Variants in SPAG16 observed in about 807,000 individuals in gnomAD.
SPAG16 encodes the protein sperm associated antigen 16, also known as sperm-associated antigen 16 protein.
SPAG16 carries 86 observed loss-of-function variants against 80.4 expected under a neutral mutation model. The ratio of observed to expected loss-of-function variants is 1.07; its 90% CI spans 0.90 to 1.28. The LOEUF is 1.28. Ranked by LOEUF, SPAG16 falls within the 50% of genes most tolerant of loss-of-function variation. The pLI, the probability that SPAG16 is intolerant of heterozygous loss-of-function variation, is 0.00. For synonymous variants in SPAG16, 294 were observed against 265.9 expected, an observed-to-expected ratio of 1.11 and a Z score of -1.03; for missense variants, 870 against 765.3, an observed-to-expected ratio of 1.14 and a Z score of -1.61.
intron 14 of SPAG16, among the ~76,000 whole-genome samples, chr2:214,125,537 G>A (rs925292076): frequency 6.6e-6 from 1 of 151,512 alleles, no homozygotes; most frequent in Non-Finnish European, 1.5e-5. Flanking sequence ...GAATTTCTAA[G>A]AAAAAATAAG....
intron 14 of SPAG16, among the ~76,000 whole-genome samples, chr2:214,118,662 GC>G (rs1412171485): frequency 6.6e-6 from 1 of 151,926 alleles, no homozygotes; most frequent in Admixed American, 6.6e-5. Flanking sequence ...GAGGGTAACC[GC>G]CCCCATGATT....
At chr2:214,311,561 C>T (rs1369335891) in intron 15 of SPAG16, 3 of 125,928 alleles carry the variant, frequency 2.4e-5, no homozygotes, top group Admixed American at 8.2e-5. Flanking sequence ...CCTATTGTAA[C>T]CTTTTGTCAG....
At chr2:213,845,355 G>A (rs981615629) in intron 10 of SPAG16, among the ~76,000 whole-genome samples, 7 of 151,682 alleles carry the variant, frequency 4.6e-5, no homozygotes, top group African/African-American at 7.3e-5. Flanking sequence ...CCGCTACCAC[G>A]CCCAGCTAAT....
At chr2:213,947,286 T>A (rs971763069) in intron 12 of SPAG16, among the ~76,000 whole-genome samples, 1 of 152,192 alleles carries the variant, frequency 6.6e-6, no homozygotes, top group African/African-American at 2.4e-5. Context: ...GTTTTTCTAG[T>A]CTGTGGTATT....
chr2:214,102,877 CGGGCTCATGAAGGATCAAGG>C (rs2053149995), intron 13 of SPAG16, among the ~76,000 whole-genome samples: 1 of 152,026 alleles, frequency 6.6e-6, no homozygotes, highest in African/African-American at 2.4e-5. Flanking sequence ...GAGACCTAAG[CGGGCTCATGAAGGATCAAGG>C]GAGAAAAGGG....
chr2:213,427,005 A>C (rs188353981), intron 9 of SPAG16, among the ~76,000 whole-genome samples: 1 of 152,094 alleles, frequency 6.6e-6, no homozygotes, highest in Admixed American at 6.5e-5. Flanking sequence ...TCCTTTTAAG[A>C]TTATAGGTTT....
At chr2:213,718,732 G>A (rs2066368659) in intron 10 of SPAG16, among the ~76,000 whole-genome samples, 1 of 152,182 alleles carries the variant, frequency 6.6e-6, no homozygotes, top group African/African-American at 2.4e-5. Flanking sequence ...TTCCCGCGGG[G>A]CAGGGCTCGG....
chr2:213,440,447 C>G (rs985283066), intron 9 of SPAG16, among the ~76,000 whole-genome samples: 11 of 152,012 alleles, frequency 7.2e-5, no homozygotes, highest in Admixed American at 6.6e-5. Flanking sequence ...CCCAGCTACT[C>G]TGGAGGCTGA....
At chr2:214,250,931 A>G (rs1418317868) in intron 15 of SPAG16, among the ~76,000 whole-genome samples, 2 of 151,398 alleles carry the variant, frequency 1.3e-5, no homozygotes, top group Non-Finnish European at 3.0e-5. Flanking sequence ...TCAGAAAAAT[A>G]TGCTACATCA....
chr2:213,832,219 A>T (rs1335502284), intron 10 of SPAG16, among the ~76,000 whole-genome samples: 2 of 151,568 alleles, frequency 1.3e-5, no homozygotes, highest in Admixed American at 1.3e-4. Flanking sequence ...GCTGATCTTG[A>T]ACTCCTGACC....
intron 15 of SPAG16, among the ~76,000 whole-genome samples, chr2:214,299,243 CTTTTT>C (rs33961996): frequency 3.5e-5 from 2 of 57,682 alleles, no homozygotes; most frequent in Admixed American, 2.4e-4. Context: ...GTGTAGTATA[CTTTTT>C]TTTTTTTTTT....
intron 15 of SPAG16, among the ~76,000 whole-genome samples, chr2:214,202,080 T>C (rs1912166): frequency 0.81 from 123,472 of 152,018 alleles, 50,531 homozygotes; most frequent in East Asian, 0.88. Flanking sequence ...CTTCTGGGCT[T>C]GAGTAATCTC....
chr2:213,537,381 T>C (rs2076288532), intron 10 of SPAG16, among the ~76,000 whole-genome samples: 2 of 152,100 alleles, frequency 1.3e-5, no homozygotes, highest in African/African-American at 2.4e-5. Flanking sequence ...ACTTTAAATA[T>C]AGTAATATGT....
At chr2:213,446,516 T>TA (rs1424334167) in intron 9 of SPAG16, among the ~76,000 whole-genome samples, 2 of 152,120 alleles carry the variant, frequency 1.3e-5, no homozygotes, top group Non-Finnish European at 2.9e-5. Context: ...CTCCTTTGAA[T>TA]AAACATAGGC....
chr2:213,330,854 A>G (rs932615606), intron 5 of SPAG16, among the ~76,000 whole-genome samples: 1 of 152,188 alleles, frequency 6.6e-6, no homozygotes, highest in Non-Finnish European at 1.5e-5. Context: ...TTCTTGTGAC[A>G]GCAAATAATC....
chr2:213,624,901 C>T (rs2061910015), intron 10 of SPAG16, among the ~76,000 whole-genome samples: 3 of 152,272 alleles, frequency 2.0e-5, no homozygotes, highest in African/African-American at 4.8e-5. Context: ...AGCGATTCTA[C>T]TGCCTCAGCC....
chr2:213,431,246 AAACAACTAGAT>A (rs1452778340), intron 9 of SPAG16, among the ~76,000 whole-genome samples: 3 of 152,142 alleles, frequency 2.0e-5, no homozygotes, highest in Non-Finnish European at 4.4e-5. Context: ...AGAATCTACA[AAACAACTAGAT>A]AACAATTAAT....
intron 12 of SPAG16, among the ~76,000 whole-genome samples, chr2:213,937,877 A>G (rs372972452): frequency 1.3e-4 from 20 of 152,026 alleles, no homozygotes; most frequent in African/African-American, 4.6e-4. Flanking sequence ...TTTGATACCA[A>G]TATACATGGA....
intron 10 of SPAG16, among the ~76,000 whole-genome samples, chr2:213,682,272 T>C (rs1022769766): frequency 6.6e-6 from 1 of 152,228 alleles, no homozygotes; most frequent in African/African-American, 2.4e-5. Flanking sequence ...GATTGTTATA[T>C]GTTTTGCTGC....
Sources: allele counts gnomAD v4.1 joint callset (sites outside exome capture counted in the v4.1 genomes callset), GRCh38; gene constraint gnomAD v4.1.1; transcripts MANE v1.5; gene names NCBI Gene and HGNC (gene_info 2026-07-23, HGNC 2026-07-21).